ACOX3: variants seen among roughly 807,000 people sequenced by gnomAD.
The protein encoded by ACOX3 is peroxisomal acyl-coenzyme A oxidase 3.
Under a neutral mutation model 81.5 loss-of-function variants are expected in ACOX3, and 73 were observed. The observed-to-expected ratio is 0.90, with a 90% CI of 0.74 to 1.09. The LOEUF (loss-of-function observed/expected upper bound fraction) is 1.09, where lower values mean the gene tolerates loss of function less well. Among genes scored for constraint, ACOX3 ranks in the 50% least tolerant of loss-of-function variants. The pLI is 0.00. For missense variants in ACOX3, 947 were observed against 928.0 expected, an observed-to-expected ratio of 1.02 and a Z score of -0.27; for synonymous variants, 387 against 375.1, an observed-to-expected ratio of 1.03 and a Z score of -0.37.
At chr4:8,375,642 A>T (rs911321120) in intron 14 of ACOX3, among the ~76,000 whole-genome samples, 1 of 152,168 alleles carries the variant, frequency 6.6e-6, no homozygotes, top group Non-Finnish European at 1.5e-5. Context: ...CGTCCTCCAA[A>T]GCCTCCAAAG....
downstream of ACOX3, among the ~76,000 whole-genome samples, chr4:8,364,539 G>A (rs1409782045): frequency 6.6e-6 from 1 of 150,464 alleles, no homozygotes; most frequent in Admixed American, 6.6e-5. The surrounding 1 kb of genome is among the most constrained non-coding windows in gnomAD (Gnocchi z 5.0). Flanking sequence ...TCTCCTGCAC[G>A]AGAACCCGTT....
rs953447290 is a variant in ACOX3 at position 8,385,721 on chromosome 4, A to C, written c.1537+3452T>G. ...TCCACCCTTCCTCACAGGCAAGCGC[A>C]ACCCCGGAAGGGGCCTGTGTCTCTC... On this transcript the variant is annotated intron_variant, in intron 13 of 17. Transcript: ENST00000356406. The surrounding 1 kb of genome is among the most constrained non-coding windows in gnomAD (Gnocchi z 5.5). Among the ~76,000 whole-genome samples, 1 of 152,212 alleles carries C rather than the reference A, an allele frequency of 6.6e-6. No individual in the cohort carries two copies. The highest frequency in any genetic ancestry group is 1.5e-5 in the Non-Finnish European group (1 of 68,034).
rs976038800 is a variant in ACOX3 at position 8,382,022 on chromosome 4, C to T, written c.1538-415G>A. Reference sequence around the variant, plus strand: ...CATGGGCAGCAGGACAACTGGCCGGCGGTGGCGCCCAGTGGCGAGAGGAAG... The same window carrying T: ...CATGGGCAGCAGGACAACTGGCCGGTGGTGGCGCCCAGTGGCGAGAGGAAG... On this transcript the variant is annotated intron_variant, in intron 13 of 17. Coordinates refer to ENST00000356406, the MANE Select transcript of ACOX3 (RefSeq NM_003501.3). The surrounding 1 kb of genome is among the most constrained non-coding windows in gnomAD (Gnocchi z 4.1). 2.6e-5 allele frequency among the ~76,000 whole-genome samples: 4 copies of T among 152,258 alleles called. No homozygotes were observed. Among genetic ancestry groups the T allele is most frequent in the East Asian group, 1.9e-4 (1 of 5,196 alleles).
rs933043321 is a variant in ACOX3, at chr4:8,381,261, G to T, written c.1653+231C>A. On this transcript the variant is annotated intron_variant, in intron 14 of 17. Coordinates refer to ENST00000356406, the MANE Select transcript of ACOX3 (RefSeq NM_003501.3). This position sits in a 1 kb window ranked among gnomAD's most constrained non-coding sequence, Gnocchi z 4.3. ...TGGTTTACGGGCTGGGAACCGTCAG[G>T]CACGGTAAATGTAACATCCATGACC... 6.6e-6 allele frequency among the ~76,000 whole-genome samples: 1 copy of T among 152,116 alleles called. No individual in the cohort carries two copies. The highest frequency in any genetic ancestry group is 6.5e-5 in the Admixed American group (1 of 15,274).
chr4:8,387,360 C>T (rs568644590), intron 13 of ACOX3, among the ~76,000 whole-genome samples: 5 of 152,258 alleles, frequency 3.3e-5, no homozygotes, highest in Admixed American at 6.5e-5. Context: ...GGCAGCCTGG[C>T]GGGAGCTGAC....
chr4:8,420,219 C>G (rs1205304734), intron 1 of ACOX3, among the ~76,000 whole-genome samples: 2 of 152,226 alleles, frequency 1.3e-5, no homozygotes, highest in Admixed American at 1.3e-4. Flanking sequence ...CACTTGAAGT[C>G]ACCAACCTTA....
At chr4:8,425,522 G>T (rs977849251) in intron 1 of ACOX3, among the ~76,000 whole-genome samples, 2 of 151,118 alleles carry the variant, frequency 1.3e-5, no homozygotes, top group African/African-American at 4.9e-5. Context: ...ACTGGATCAG[G>T]ACTTTTCAAA....
intron 1 of ACOX3, among the ~76,000 whole-genome samples, chr4:8,428,795 C>G (rs1256175260): frequency 6.6e-6 from 1 of 152,240 alleles, no homozygotes; most frequent in Admixed American, 6.5e-5. Flanking sequence ...AATCAGCAGG[C>G]TCTAGGTGGT....
At chr4:8,409,727 G>A (rs1721488928) in intron 6 of ACOX3, among the ~76,000 whole-genome samples, 1 of 150,468 alleles carries the variant, frequency 6.6e-6, no homozygotes, top group African/African-American at 2.4e-5. Flanking sequence ...GATACACCGT[G>A]GGCGGGGCTG....
At chr4:8,374,618 G>A (rs1716685336) in intron 15 of ACOX3, 1 of 208,512 alleles carries the variant, frequency 4.8e-6, no homozygotes, top group Non-Finnish European at 9.5e-6. Flanking sequence ...AAGCCTTCCA[G>A]TATTCCCAAG....
At chr4:8,410,902 A>G (rs774451555) in intron 5 of ACOX3, among the ~76,000 whole-genome samples, 8 of 152,248 alleles carry the variant, frequency 5.3e-5, no homozygotes, top group Non-Finnish European at 1.0e-4. Context: ...GAAGGAACGC[A>G]TGCGTGAACT....
At chr4:8,420,616 C>T (rs1722832048) in intron 1 of ACOX3, among the ~76,000 whole-genome samples, 1 of 152,228 alleles carries the variant, frequency 6.6e-6, no homozygotes, top group Admixed American at 6.5e-5. Context: ...GCATTCGAGC[C>T]AGATCAGGCA....
Position 8,405,982 on chromosome 4 carries a change from T to A in ACOX3, c.749A>T (p.Lys250Ile). 14 of 1,614,118 alleles carry A rather than the reference T, an allele frequency of 8.7e-6. No homozygotes were observed. Among genetic ancestry groups the A allele is most frequent in the Non-Finnish European group, 1.2e-5 (14 of 1,180,024 alleles). Residue 250 changes from lysine to isoleucine, a missense_variant, in exon 7 of 18, where the codon AAA becomes ATA. By Grantham distance (102) the Lys-to-Ile change is moderately radical. Coordinates refer to ENST00000356406, the MANE Select transcript of ACOX3 (RefSeq NM_003501.3). This position sits in a 1 kb window ranked among gnomAD's most constrained non-coding sequence, Gnocchi z 7.1. ...ATTATCCAGACCGTTCTGCCCGAGT[T>A]TTTTTCCTATGTCGCCAACCATCAC... ...PGVMVGDIGK[K>I]LGQNGLDNGF...
downstream of ACOX3, among the ~76,000 whole-genome samples, chr4:8,364,371 G>A (rs1225915597): frequency 1.3e-5 from 2 of 152,226 alleles, no homozygotes; most frequent in African/African-American, 4.8e-5. This position sits in a 1 kb window ranked among gnomAD's most constrained non-coding sequence, Gnocchi z 5.0. Context: ...TGTCAACACT[G>A]CCAGTAAAGT....
intron 1 of ACOX3, among the ~76,000 whole-genome samples, chr4:8,427,234 G>GT (rs1282891813): frequency 6.6e-6 from 1 of 152,224 alleles, no homozygotes; most frequent in African/African-American, 2.4e-5. Flanking sequence ...AGCACAGGGG[G>GT]AGGGACAATG....
intron 5 of ACOX3, among the ~76,000 whole-genome samples, chr4:8,411,066 G>T (rs183202970): frequency 6.6e-6 from 1 of 152,332 alleles, no homozygotes; most frequent in African/African-American, 2.4e-5. Flanking sequence ...CTGCCCCAGG[G>T]GCGTCTGCTG....
intron 17 of ACOX3, among the ~76,000 whole-genome samples, chr4:8,367,834 A>AAAG (rs1715658289): frequency 1.4e-5 from 2 of 143,328 alleles, no homozygotes; most frequent in African/African-American, 5.3e-5. Context: ...AAAAAAAAAA[A>AAAG]GCAAAAAATT....
chr4:8,409,993 CTGCATTGTGGGCAGGGCTGTGGAA>C (rs1721541287), intron 6 of ACOX3, among the ~76,000 whole-genome samples, 195 bp downstream of exon 6: 1 of 145,888 alleles, frequency 6.9e-6, no homozygotes, highest in African/African-American at 2.6e-5. Context: ...ACGGGGCTAT[CTGCATTGTGGGCAGGGCTGTGGAA>C]TGCACTGTGG....
rs560309998 is a variant in ACOX3, at chr4:8,440,042, G to A, written c.-15+606C>T. Among the ~76,000 whole-genome samples the A allele has an allele frequency of 2.6e-4, 40 of 152,340 alleles. No homozygotes were observed. In the South Asian group the frequency reaches 7.9e-3, roughly 30 times the overall value. ...CATCAACCCCCGACCTAAACTACTT[G>A]TGTTATCTGTAAATTCCAGACATTG... On this transcript the variant is annotated intron_variant, in intron 1 of 17. Coordinates refer to ENST00000356406, the MANE Select transcript of ACOX3 (RefSeq NM_003501.3).
Sources: gnomAD v4.1 joint callset for allele counts (sites outside exome capture counted in the v4.1 genomes callset) on GRCh38, gnomAD v4.1.1 for gene constraint, Gnocchi (gnomAD v3.1) non-coding constraint, MANE v1.5 for transcripts, NCBI Gene and HGNC (gene_info 2026-07-23, HGNC 2026-07-21) for gene names.